PALM2AKAP2: variants seen among roughly 807,000 people sequenced by gnomAD.
PALM2AKAP2 encodes the protein PALM2 and AKAP2 fusion.
Under a neutral mutation model 71.5 loss-of-function variants are expected in PALM2AKAP2, and 37 were observed. That is an observed-to-expected ratio of 0.52 (90% CI 0.40 to 0.68). The LOEUF (loss-of-function observed/expected upper bound fraction) is 0.68, where lower values mean the gene tolerates loss of function less well. Ranked by LOEUF, PALM2AKAP2 falls within the 30% of genes least tolerant of loss-of-function variation. The pLI is 0.00. For synonymous variants in PALM2AKAP2, 468 were observed against 478.8 expected (o/e 0.98, Z 0.29); for missense variants, 1,224 against 1,191.8 (o/e 1.03, Z -0.40).
chr9:109,721,039 C>T (rs1318887107), intron 1 of PALM2AKAP2, among the ~76,000 whole-genome samples: 1 of 152,200 alleles, frequency 6.6e-6, no homozygotes, highest in Non-Finnish European at 1.5e-5. Flanking sequence ...TCTCAAGAAT[C>T]CTGTGTCTTC....
chr9:109,917,013 C>T (rs1830709293), intron 3 of PALM2AKAP2, among the ~76,000 whole-genome samples: 1 of 152,202 alleles, frequency 6.6e-6, no homozygotes. Flanking sequence ...AGTTTCCAAA[C>T]AGCTGACTTT....
At chr9:110,083,600 C>T (rs1476872121) in intron 1 of PALM2AKAP2, among the ~76,000 whole-genome samples, 1 of 151,984 alleles carries the variant, frequency 6.6e-6, no homozygotes, top group Non-Finnish European at 1.5e-5. Context: ...TCCTACTTAT[C>T]TGTCTGCTTT....
intron 1 of PALM2AKAP2, among the ~76,000 whole-genome samples, chr9:110,135,829 G>A (rs78288778): frequency 0.042 from 6,355 of 152,142 alleles, 180 homozygotes; most frequent in Non-Finnish European, 0.066. Context: ...ATCATTTGCC[G>A]CAAAATACTT....
intron 7 of PALM2AKAP2, among the ~76,000 whole-genome samples, chr9:110,040,910 G>C (rs540987725): frequency 2.0e-5 from 3 of 152,236 alleles, no homozygotes; most frequent in Admixed American, 6.5e-5. Flanking sequence ...TATGTTTTCA[G>C]TGCCATGCTT....
chr9:109,783,760 T>C (rs1329165133), intron 1 of PALM2AKAP2, among the ~76,000 whole-genome samples: 3 of 152,198 alleles, frequency 2.0e-5, no homozygotes, highest in Non-Finnish European at 4.4e-5. Context: ...TCTGGGAAGG[T>C]ATTGGCAACA....
chr9:110,083,284 G>A (rs528740942), intron 1 of PALM2AKAP2, among the ~76,000 whole-genome samples: 1 of 152,216 alleles, frequency 6.6e-6, no homozygotes, highest in African/African-American at 2.4e-5. Context: ...TATAGTATTT[G>A]TCCTTCTGTA....
At chr9:109,935,389 A>T (rs1235644623) in intron 6 of PALM2AKAP2, among the ~76,000 whole-genome samples, 1 of 152,186 alleles carries the variant, frequency 6.6e-6, no homozygotes, top group Non-Finnish European at 1.5e-5. Context: ...CCCTAAATTG[A>T]CATCTTTGGG....
chr9:110,112,805 A>G (rs958993809), intron 1 of PALM2AKAP2, among the ~76,000 whole-genome samples: 3 of 152,206 alleles, frequency 2.0e-5, no homozygotes, highest in African/African-American at 4.8e-5. Context: ...AACTCTCTGA[A>G]CCTTGGTTTC....
chr9:109,648,837 G>A (rs573581063), intron 1 of PALM2AKAP2, among the ~76,000 whole-genome samples: 2 of 152,336 alleles, frequency 1.3e-5, no homozygotes, highest in Non-Finnish European at 2.9e-5. Context: ...TTTTCAAACA[G>A]GGCCAAAGTG....
intron 2 of PALM2AKAP2, among the ~76,000 whole-genome samples, chr9:110,155,712 G>A (rs144769992): frequency 6.6e-6 from 1 of 152,294 alleles, no homozygotes; most frequent in African/African-American, 2.4e-5. Context: ...AATAAAGCTG[G>A]CCAGTGTAAG....
intron 6 of PALM2AKAP2, among the ~76,000 whole-genome samples, chr9:109,990,271 G>C (rs1832453481): frequency 6.6e-6 from 1 of 151,978 alleles, no homozygotes; most frequent in South Asian, 2.1e-4. Flanking sequence ...TGTTGGCAAG[G>C]CTGGTCTCGA....
chr9:109,711,983 G>T (rs1828248153), intron 1 of PALM2AKAP2, among the ~76,000 whole-genome samples: 1 of 142,118 alleles, frequency 7.0e-6, no homozygotes. Context: ...GCCTGTCCTT[G>T]TGTGAGTGCT....
intron 1 of PALM2AKAP2, among the ~76,000 whole-genome samples, chr9:109,691,833 GATATATATATATATATATATAT>G (rs1185965530): frequency 1.1e-4 from 4 of 36,042 alleles, no homozygotes; most frequent in South Asian, 1.8e-3. Flanking sequence ...CCAGAAAGAC[GATATATATATATATATATATAT>G]ATATATATAT....
chr9:110,023,481 AT>A (rs982973572), intron 7 of PALM2AKAP2, among the ~76,000 whole-genome samples: 3 of 151,248 alleles, frequency 2.0e-5, no homozygotes, highest in African/African-American at 7.3e-5. Flanking sequence ...CGCCCGGATA[AT>A]TTTGTATTTT....
At chr9:109,891,616 G>A (rs1830092021) in intron 3 of PALM2AKAP2, among the ~76,000 whole-genome samples, 1 of 152,078 alleles carries the variant, frequency 6.6e-6, no homozygotes, top group Non-Finnish European at 1.5e-5. Context: ...TCAGCCTCCT[G>A]AATAATTGGG....
intron 1 of PALM2AKAP2, among the ~76,000 whole-genome samples, chr9:109,814,392 G>A (rs1254561774): frequency 6.6e-6 from 1 of 152,188 alleles, no homozygotes. Flanking sequence ...CATACTATAT[G>A]AGCCTGAACG....
intron 6 of PALM2AKAP2, among the ~76,000 whole-genome samples, chr9:110,006,855 T>A (rs116038284): frequency 0.017 from 2,514 of 152,256 alleles, 71 homozygotes; most frequent in African/African-American, 0.058. Context: ...GTTTCATTCC[T>A]TTTTTCATCC....
At chr9:109,867,550 ACTT>A (rs1829487312) in exon 2 of PALM2AKAP2, 1 of 1,612,634 alleles carries the variant, frequency 6.2e-7, no homozygotes, top group Non-Finnish European at 8.5e-7. Context: ...ACGAGCAGAT[ACTT>A]CTGCTGCAGC....
At chr9:109,848,325 CCTG>C (rs1489811964) in intron 1 of PALM2AKAP2, among the ~76,000 whole-genome samples, 1 of 152,210 alleles carries the variant, frequency 6.6e-6, no homozygotes, top group African/African-American at 2.4e-5. Context: ...ACCCAGTCCT[CCTG>C]CTCTCAGCTG....
Sources: allele counts gnomAD v4.1 joint callset (sites outside exome capture counted in the v4.1 genomes callset), GRCh38; gene constraint gnomAD v4.1.1; transcripts MANE v1.5; gene names NCBI Gene and HGNC (gene_info 2026-07-23, HGNC 2026-07-21).